Variants in LAMA3 observed in about 807,000 individuals in gnomAD.
LAMA3 encodes the protein laminin subunit alpha-3.
Under a neutral mutation model 402.0 loss-of-function variants are expected in LAMA3, and 281 were observed. That is an observed-to-expected ratio of 0.70 (90% CI 0.63 to 0.77). The LOEUF (loss-of-function observed/expected upper bound fraction) is 0.77. Among genes scored for constraint, LAMA3 ranks in the 30% least tolerant of loss-of-function variants. LAMA3 has a pLI of 0.00. For missense variants in LAMA3, 3,840 were observed against 4,215.5 expected, an observed-to-expected ratio of 0.91 and a Z score of 2.47; for synonymous variants, 1,431 against 1,558.4, an observed-to-expected ratio of 0.92 and a Z score of 1.93.
intron 1 of LAMA3, among the ~76,000 whole-genome samples, chr18:23,698,527 C>T (rs2060729765): frequency 6.6e-6 from 1 of 152,164 alleles, no homozygotes; most frequent in South Asian, 2.1e-4. Flanking sequence ...TATCTCTTGC[C>T]TGCACTGTCA....
rs566221262 is a variant in LAMA3 at position 23,890,484 on chromosome 18, G to A, written c.5410+367G>A. 3.3e-5 allele frequency among the ~76,000 whole-genome samples: 5 copies of A among 152,230 alleles called. No homozygotes were observed. The South Asian group carries it at 6.2e-4, about 19-fold the overall frequency. ...GTTATTGTCTCATCAGCTTTCCCGT[G>A]TGTGTCTGAAGAAATTGAAATACTC... On this transcript the variant is annotated intron_variant, in intron 42 of 74. Coordinates refer to ENST00000313654, the MANE Select transcript of LAMA3 (RefSeq NM_198129.4).
At chr18:23,833,800 C>T in intron 23 of LAMA3, 28 bp from the exon 24 acceptor site, 1 of 1,612,190 alleles carries the variant, frequency 6.2e-7, no homozygotes, top group Admixed American at 1.7e-5. Flanking sequence ...AGCTGGATCA[C>T]AGTCTGTCTG....
intron 73 of LAMA3, 113 bp downstream of exon 73, chr18:23,951,890 C>T: frequency 2.5e-6 from 2 of 809,434 alleles, no homozygotes; most frequent in South Asian, 1.5e-5. Flanking sequence ...CTGACCAGGG[C>T]CAGCCCCCGA....
intron 55 of LAMA3, among the ~76,000 whole-genome samples, chr18:23,909,870 C>A (rs2081374614): frequency 6.6e-6 from 1 of 152,132 alleles, no homozygotes; most frequent in South Asian, 2.1e-4. Context: ...CCTAGACAGC[C>A]CTACAGGAGA....
In LAMA3 at chr18:23,907,627, C is replaced by T. The variant is rs368603738; in HGVS notation, c.6796C>T (p.Leu2266Phe). Reference protein sequence around the residue: ...TVQKEVIDTNLTTLRDGLHGI... With the variant: ...TVQKEVIDTNFTTLRDGLHGI... ...TCAGAAAGAAGTGATAGACACCAAT[C>T]TCACAACTCTCCGAGATGGTCTTCA... is the stretch of plus-strand genomic sequence containing the variant. The change falls in exon 53 of 75, where the codon CTC (leucine) becomes TTC (phenylalanine). Residue 2266 changes from leucine to phenylalanine, a missense_variant. By Grantham distance (22) the Leu-to-Phe change is conservative. Coordinates refer to ENST00000313654, the MANE Select transcript of LAMA3 (RefSeq NM_198129.4). 1 of 1,613,760 alleles carries T rather than the reference C, an allele frequency of 6.2e-7. No homozygotes were observed. The highest frequency in any genetic ancestry group is 1.3e-5 in the African/African-American group (1 of 74,936).
At position 23,758,435 on chromosome 18, in the gene LAMA3, G is replaced by A. The variant is rs926067937; in HGVS notation, c.987G>A (p.Thr329=). The change falls in exon 7 of 75, where the codon ACG becomes ACA. Residue 329 remains threonine (T), a synonymous_variant. Coordinates refer to ENST00000313654, the MANE Select transcript of LAMA3 (RefSeq NM_198129.4). ...CECQHHTCGE[T]CDRCCTGYNQ... ...GCCAGCACCACACCTGTGGGGAGAC[G>A]TGTGATCGCTGCTGCACAGGGTACA... The A allele has an allele frequency of 1.9e-6, 3 of 1,614,206 alleles. No homozygotes were observed. The highest frequency in any genetic ancestry group is 2.5e-6 in the Non-Finnish European group (3 of 1,180,028).
At chr18:23,875,533 G>T (rs142966958) in intron 38 of LAMA3, among the ~76,000 whole-genome samples, 3 of 152,216 alleles carry the variant, frequency 2.0e-5, no homozygotes, top group Middle Eastern at 3.4e-3. Context: ...TCCTGTATGG[G>T]AACCTCATGC....
At position 23,827,427 on chromosome 18, in the gene LAMA3, C is replaced by T. The variant is rs781383878; in HGVS notation, c.2783C>T (p.Thr928Ile). 1.8e-5 allele frequency: 29 copies of T among 1,614,028 alleles called. No individual in the cohort carries two copies. In the African/African-American group the frequency reaches 3.3e-4, roughly 19 times the overall value. The change falls in exon 23 of 75, where the codon ACA becomes ATA. Residue 928 changes from threonine to isoleucine, a missense_variant. Thr to Ile is a moderately conservative substitution (Grantham distance 89, BLOSUM62 -1). Around this residue, in one of 3 missense-constraint regions of LAMA3, gnomAD observed 2,109 missense variants for 2,376.0 expected, o/e 0.89. Transcript: ENST00000313654. Reference protein sequence around the residue: ...EPRPVAVRQPTPAHPVMVDLS... With the variant: ...EPRPVAVRQPIPAHPVMVDLS... ...AGACCCGTGGCAGTGAGGCAGCCCA[C>T]ACCTGCACACCCTGTCATGGTGGAC...
At chr18:23,842,970 C>T (rs1008408744) in intron 29 of LAMA3, among the ~76,000 whole-genome samples, 5 of 152,200 alleles carry the variant, frequency 3.3e-5, no homozygotes, top group Non-Finnish European at 5.9e-5. Context: ...GAGTAGGCGT[C>T]GCCCCTCTCC....
intron 40 of LAMA3, among the ~76,000 whole-genome samples, chr18:23,884,006 A>T (rs984812034): frequency 1.3e-5 from 2 of 150,514 alleles, no homozygotes; most frequent in Non-Finnish European, 1.5e-5. Flanking sequence ...CATCAGTGTC[A>T]TGTCCAGTGG....
intron 2 of LAMA3, among the ~76,000 whole-genome samples, chr18:23,720,173 G>A (rs2061184566): frequency 6.6e-6 from 1 of 152,182 alleles, no homozygotes; most frequent in African/African-American, 2.4e-5. Context: ...ATTGCTGTGA[G>A]ACCAAATCTC....
chr18:23,780,769 G>A (rs187265088), intron 11 of LAMA3, among the ~76,000 whole-genome samples: 19 of 152,316 alleles, frequency 1.2e-4, no homozygotes, highest in African/African-American at 4.3e-4. Flanking sequence ...TGCCCCATGG[G>A]TTGCTGATAG....
At chr18:23,941,103 T>G (rs1684910983) in intron 68 of LAMA3, among the ~76,000 whole-genome samples, 1 of 151,738 alleles carries the variant, frequency 6.6e-6, no homozygotes, top group African/African-American at 2.4e-5. Flanking sequence ...GCCCGGCTAA[T>G]TTTTTTGTAT....
intron 8 of LAMA3, 43 bp from the exon 9 acceptor site, chr18:23,773,454 T>C: frequency 8.1e-7 from 1 of 1,233,878 alleles, no homozygotes; most frequent in African/African-American, 1.5e-5. Context: ...GAGAATCGTC[T>C]TCCCCAGAAC....
chr18:23,865,159 A>C (rs1357505232), intron 36 of LAMA3, among the ~76,000 whole-genome samples: 2 of 151,994 alleles, frequency 1.3e-5, no homozygotes, highest in East Asian at 3.9e-4. Flanking sequence ...ACTTTTTTTG[A>C]ACTTTTTTTA....
chr18:23,784,307 T>A, intron 12 of LAMA3, 150 bp downstream of exon 12: 1 of 905,632 alleles, frequency 1.1e-6, no homozygotes, highest in Non-Finnish European at 1.8e-6. Flanking sequence ...GTGATGGTCC[T>A]ACCTGGACCT....
chr18:23,907,957 G>T, intron 54 of LAMA3, 22 bp downstream of exon 54: 1 of 1,610,692 alleles, frequency 6.2e-7, no homozygotes, highest in South Asian at 1.1e-5. Context: ...TCTCTGGCCA[G>T]GACATCTTAG....
intron 12 of LAMA3, among the ~76,000 whole-genome samples, chr18:23,784,620 A>C (rs2062504648): frequency 6.6e-6 from 1 of 152,062 alleles, no homozygotes; most frequent in Admixed American, 6.6e-5. Flanking sequence ...TGAGACCACA[A>C]ACCCCCTCCT....
At chr18:23,917,194 A>G (rs1398515532) in intron 60 of LAMA3, among the ~76,000 whole-genome samples, 1 of 152,190 alleles carries the variant, frequency 6.6e-6, no homozygotes, top group Non-Finnish European at 1.5e-5. Flanking sequence ...TGCAAAGGAC[A>G]TGATCTCGTT....
Sources: allele counts gnomAD v4.1 joint callset (sites outside exome capture counted in the v4.1 genomes callset), GRCh38; gene constraint gnomAD v4.1.1; regional missense constraint gnomAD v4.1.1; transcripts MANE v1.5; gene names NCBI Gene and HGNC (gene_info 2026-07-23, HGNC 2026-07-21).